SMYD3: variants seen among roughly 807,000 people sequenced by gnomAD.
SMYD3 encodes histone-lysine N-methyltransferase SMYD3.
SMYD3 carries 36 observed loss-of-function variants against 57.7 expected under a neutral mutation model. The ratio of observed to expected loss-of-function variants is 0.62; its 90% CI spans 0.48 to 0.82. The LOEUF is 0.82. SMYD3 is among the 40% of genes least tolerant of loss of function. The probability of loss-of-function intolerance (pLI) is 0.00; values close to 1 mark genes in which losing one functional copy is unlikely to be tolerated. For missense variants in SMYD3, 515 were observed against 538.8 expected (o/e 0.96, Z 0.44); for synonymous variants, 211 against 195.0 (o/e 1.08, Z -0.68).
chr1:246,059,964 A>G (rs1223512986), intron 5 of SMYD3, among the ~76,000 whole-genome samples: 1 of 152,176 alleles, frequency 6.6e-6, no homozygotes, highest in East Asian at 1.9e-4. Context: ...GAGCTACTCC[A>G]GAGACCACTA....
At chr1:245,926,214 G>T (rs1482842060) in intron 7 of SMYD3, among the ~76,000 whole-genome samples, 2 of 152,148 alleles carry the variant, frequency 1.3e-5, no homozygotes, top group Non-Finnish European at 2.9e-5. Flanking sequence ...AAGAATTTGG[G>T]GATAAAGTTT....
chr1:246,311,510 C>T (rs1395104788), intron 5 of SMYD3, among the ~76,000 whole-genome samples: 3 of 152,348 alleles, frequency 2.0e-5, no homozygotes, highest in Admixed American at 6.5e-5. Flanking sequence ...AGCACAAGCC[C>T]ACTCAGCTAC....
chr1:245,978,051 A>G (rs903935377), intron 5 of SMYD3, among the ~76,000 whole-genome samples: 1 of 152,228 alleles, frequency 6.6e-6, no homozygotes, highest in African/African-American at 2.4e-5. Flanking sequence ...GGCTCCTGTC[A>G]GCTGTCGTTT....
intron 8 of SMYD3, among the ~76,000 whole-genome samples, chr1:245,907,035 A>AAT (rs1478032169): frequency 6.6e-6 from 1 of 152,214 alleles, no homozygotes; most frequent in African/African-American, 2.4e-5. Flanking sequence ...TCATGGACAG[A>AAT]GAGAGTAGAA....
At chr1:246,438,252 T>C (rs1159820815) in intron 1 of SMYD3, among the ~76,000 whole-genome samples, 5 of 152,232 alleles carry the variant, frequency 3.3e-5, no homozygotes, top group Non-Finnish European at 5.9e-5. Context: ...TTTGCCAAAA[T>C]ATAAATGATG....
intron 8 of SMYD3, among the ~76,000 whole-genome samples, chr1:245,897,616 T>A (rs907648979): frequency 2.6e-5 from 4 of 152,138 alleles, no homozygotes; most frequent in African/African-American, 9.7e-5. Context: ...TTAATTTGGC[T>A]GGGCACGGTG....
At chr1:246,356,154 C>T (rs781632321) in intron 1 of SMYD3, among the ~76,000 whole-genome samples, 1 of 152,134 alleles carries the variant, frequency 6.6e-6, no homozygotes, top group Non-Finnish European at 1.5e-5. Context: ...CAGCCCAGAG[C>T]CCAGTACCTC....
At chr1:246,263,750 C>T (rs1297384864) in intron 5 of SMYD3, among the ~76,000 whole-genome samples, 1 of 152,158 alleles carries the variant, frequency 6.6e-6, no homozygotes, top group Non-Finnish European at 1.5e-5. Context: ...ATACCAATTC[C>T]TTCCAAAGGC....
At chr1:246,418,404 G>A (rs538099631) in intron 1 of SMYD3, among the ~76,000 whole-genome samples, 5 of 152,216 alleles carry the variant, frequency 3.3e-5, no homozygotes, top group Admixed American at 6.5e-5. Flanking sequence ...TGTGGGGCTC[G>A]GACCCCATGG....
chr1:246,047,647 G>A (rs957255168), intron 5 of SMYD3, among the ~76,000 whole-genome samples: 8 of 152,002 alleles, frequency 5.3e-5, no homozygotes, highest in Non-Finnish European at 1.2e-4. Context: ...GACCATCCTG[G>A]GCAACATGAT....
At chr1:246,075,812 A>G (rs565893689) in intron 5 of SMYD3, among the ~76,000 whole-genome samples, 1 of 152,216 alleles carries the variant, frequency 6.6e-6, no homozygotes, top group African/African-American at 2.4e-5. Flanking sequence ...TATATATGAC[A>G]TCTGTAAGAC....
At chr1:245,995,560 C>T (rs1169542833) in intron 5 of SMYD3, among the ~76,000 whole-genome samples, 2 of 152,234 alleles carry the variant, frequency 1.3e-5, no homozygotes, top group Non-Finnish European at 2.9e-5. Context: ...TTTGCATTGC[C>T]TTTCTTTTTC....
At chr1:245,899,829 T>C (rs889888169) in intron 8 of SMYD3, among the ~76,000 whole-genome samples, 1 of 152,122 alleles carries the variant, frequency 6.6e-6, no homozygotes, top group African/African-American at 2.4e-5. Context: ...TGCAATTCCC[T>C]CAAGTAAAAG....
intron 5 of SMYD3, among the ~76,000 whole-genome samples, chr1:246,167,432 G>GGCCATCCTACTACATTTC (rs2062236156): frequency 1.3e-5 from 2 of 151,422 alleles, no homozygotes; most frequent in Non-Finnish European, 2.9e-5. Context: ...CCATTTTACT[G>GGCCATCCTACTACATTTC]ATCACGGCCA....
intron 5 of SMYD3, among the ~76,000 whole-genome samples, chr1:246,174,202 A>T (rs986275362): frequency 1.3e-5 from 2 of 152,186 alleles, no homozygotes; most frequent in Admixed American, 6.5e-5. Context: ...GTCATTTCTT[A>T]TCACTATCAA....
At chr1:246,288,084 T>C (rs79278750) in intron 5 of SMYD3, among the ~76,000 whole-genome samples, 1 of 114,418 alleles carries the variant, frequency 8.7e-6, no homozygotes, top group Non-Finnish European at 1.9e-5. Flanking sequence ...TTTTTTTTTT[T>C]TTTTTTTGAG....
chr1:245,867,129 T>C (rs1187908899), intron 8 of SMYD3, among the ~76,000 whole-genome samples: 2 of 152,208 alleles, frequency 1.3e-5, no homozygotes, highest in Non-Finnish European at 1.5e-5. Flanking sequence ...TATCCCGGAC[T>C]TTCCAGGTGG....
At chr1:246,427,394 C>G (rs1413104023) in intron 1 of SMYD3, among the ~76,000 whole-genome samples, 1 of 150,780 alleles carries the variant, frequency 6.6e-6, no homozygotes, top group Non-Finnish European at 1.5e-5. Flanking sequence ...GTGGCGGGCG[C>G]CTGTAGTCCC....
intron 5 of SMYD3, among the ~76,000 whole-genome samples, chr1:246,060,194 G>C (rs1360507270): frequency 6.6e-6 from 1 of 152,014 alleles, no homozygotes; most frequent in Non-Finnish European, 1.5e-5. Flanking sequence ...AGGCTGAGAT[G>C]GGAGGATGGC....
Sources: allele counts gnomAD v4.1 joint callset (sites outside exome capture counted in the v4.1 genomes callset), GRCh38; gene constraint gnomAD v4.1.1; transcripts MANE v1.5; gene names NCBI Gene and HGNC (gene_info 2026-07-23, HGNC 2026-07-21).